WDR91: variants seen among roughly 807,000 people sequenced by gnomAD.
WDR91 encodes the protein WD repeat-containing protein 91.
Under a neutral mutation model 88.4 loss-of-function variants are expected in WDR91, and 52 were observed. The observed-to-expected ratio is 0.59, with a 90% CI of 0.47 to 0.74. The LOEUF (loss-of-function observed/expected upper bound fraction) is 0.74, where lower values mean the gene tolerates loss of function less well. Among genes scored for constraint, WDR91 ranks in the 30% least tolerant of loss-of-function variants. WDR91 has a pLI of 0.00. For synonymous variants in WDR91, 362 were observed against 389.5 expected (o/e 0.93, Z 0.83); for missense variants, 824 against 954.5 (o/e 0.86, Z 1.80).
At chr7:135,195,762 C>A (rs1248351940) in intron 8 of WDR91, among the ~76,000 whole-genome samples, 1 of 152,120 alleles carries the variant, frequency 6.6e-6, no homozygotes, top group Non-Finnish European at 1.5e-5. Context: ...GCCTGGCCAA[C>A]ATGGTGAAAC....
chr7:135,203,863 G>T (rs541250267), intron 6 of WDR91, among the ~76,000 whole-genome samples: 1 of 152,208 alleles, frequency 6.6e-6, no homozygotes, highest in Non-Finnish European at 1.5e-5. Flanking sequence ...GCAAGGGAAG[G>T]CAGCCCCTTG....
chr7:135,194,822 T>C, intron 9 of WDR91, 112 bp downstream of exon 9: 1 of 1,415,492 alleles, frequency 7.1e-7, no homozygotes, highest in Non-Finnish European at 9.7e-7. Flanking sequence ...TCCCCAATAA[T>C]GGAGAGAAGG....
At chr7:135,193,697 G>A in intron 9 of WDR91, 25 bp from the exon 10 acceptor site, 1 of 1,604,712 alleles carries the variant, frequency 6.2e-7, no homozygotes. Flanking sequence ...GGCGGGAGGT[G>A]GGAAGGATAG....
At chr7:135,189,532 C>A in intron 11 of WDR91, 80 bp from the exon 12 acceptor site, 1 of 1,194,010 alleles carries the variant, frequency 8.4e-7, no homozygotes, top group South Asian at 1.4e-5. Flanking sequence ...CAGACAGGTG[C>A]CCCAGACTGG....
In WDR91 at chr7:135,187,113, G is replaced by C. The variant is rs1461659184; in HGVS notation, c.1938C>G (p.Pro646=). The change falls in exon 14 of 15, where the codon CCC becomes CCG. Residue 646 remains proline, a synonymous_variant. Transcript: ENST00000354475. ...GCACAAAGGGGCCCGTGGCATCTGA[G>C]GGGAGGCTGTACTCGGATACCTTGA... The part of the protein sequence containing the change: ...SGLKVSEYSL[P]SDATGPFVLS... The C allele has an allele frequency of 1.2e-6, 2 of 1,614,146 alleles. No homozygotes were observed. Among genetic ancestry groups the C allele is most frequent in the African/African-American group, 1.3e-5 (1 of 74,956 alleles).
intron 11 of WDR91, 117 bp from the exon 12 acceptor site, chr7:135,189,569 A>C: frequency 2.7e-6 from 2 of 731,348 alleles, no homozygotes; most frequent in Admixed American, 5.3e-5. Flanking sequence ...TCCCTTATGT[A>C]ATCTGGAAAT....
At chr7:135,211,328 C>T (rs1832010544) in intron 1 of WDR91, 52 bp downstream of exon 1, 1 of 1,569,540 alleles carries the variant, frequency 6.4e-7, no homozygotes, top group Non-Finnish European at 8.6e-7. Context: ...GAAGCCCGCT[C>T]CCCGGCTCCC....
chr7:135,186,845 C>T, intron 14 of WDR91, 127 bp downstream of exon 14: 1 of 1,144,450 alleles, frequency 8.7e-7, no homozygotes, highest in Non-Finnish European at 1.3e-6. Context: ...GATCCTTTGT[C>T]AAAGGCATCT....
chr7:135,207,027 AACCTGATTAATATAGTGTTCCACT>A (rs778601614), intron 4 of WDR91, 69 bp downstream of exon 4: 2 of 1,006,582 alleles, frequency 2.0e-6, no homozygotes, highest in Non-Finnish European at 2.9e-6. Context: ...TGGCAGTGGA[AACCTGATTAATATAGTGTTCCACT>A]GCCACTACCT....
At chr7:135,208,139 A>G (rs1831871194) in intron 3 of WDR91, among the ~76,000 whole-genome samples, 1 of 152,150 alleles carries the variant, frequency 6.6e-6, no homozygotes, top group Non-Finnish European at 1.5e-5. Context: ...AGCCAGCCCC[A>G]TTCAAGCCAG....
chr7:135,202,452 CA>C lies in WDR91; in HGVS notation c.891+1815del, dbSNP rs1462324220. On this transcript the variant is annotated intron_variant, in intron 6 of 14. Coordinates refer to ENST00000354475, the MANE Select transcript of WDR91 (RefSeq NM_014149.4). ...CTCTGTTAACACACCACACAGTGACCAAATCTTTGTTCCATTATATTTTAGA... is the reference window on the plus strand; with the variant it reads ...CTCTGTTAACACACCACACAGTGACCAATCTTTGTTCCATTATATTTTAGA... 5.3e-5 allele frequency: 8 copies of C among 152,174 alleles called. No homozygotes were observed. In the East Asian group the frequency reaches 1.5e-3, roughly 29 times the overall value. The allele number at this position is 152,174 out of a possible 1,614,324, so 9.4% of individuals were successfully genotyped here. A position where few individuals can be genotyped will look rare whatever the true frequency, so the allele number is the denominator to read the frequency against.
chr7:135,193,481 C>G (rs2117652182), intron 10 of WDR91, 82 bp from the exon 11 acceptor site: 4 of 1,610,684 alleles, frequency 2.5e-6, no homozygotes, highest in Middle Eastern at 3.4e-4. Context: ...CTGGATCCTG[C>G]ACAGGAGATG....
chr7:135,205,352 T>C (rs1831728015), intron 5 of WDR91, among the ~76,000 whole-genome samples: 1 of 152,214 alleles, frequency 6.6e-6, no homozygotes, highest in African/African-American at 2.4e-5. Context: ...TACACATATC[T>C]GGATGTAGAG....
chr7:135,209,502 C>G (rs761639557), intron 2 of WDR91, 74 bp downstream of exon 2: 2 of 1,404,496 alleles, frequency 1.4e-6, no homozygotes, highest in South Asian at 1.6e-5. Context: ...TCCCTAGGAA[C>G]TGGAAGAAAA....
intron 12 of WDR91, 131 bp downstream of exon 12, chr7:135,189,213 T>C: frequency 1.5e-6 from 1 of 685,892 alleles, no homozygotes; most frequent in Middle Eastern, 4.1e-4. Flanking sequence ...AGTTAAGCTG[T>C]AGTACATGCA....
intron 6 of WDR91, chr7:135,198,990 A>C (rs1831474684): frequency 6.6e-6 from 1 of 152,082 alleles, no homozygotes; most frequent in Non-Finnish European, 1.5e-5. Flanking sequence ...CCTCACCCTC[A>C]TTTTTTACAC....
chr7:135,209,050 G>A (rs1831918418), intron 2 of WDR91, 52 bp from the exon 3 acceptor site: 1 of 1,534,136 alleles, frequency 6.5e-7, no homozygotes, highest in Non-Finnish European at 8.9e-7. Context: ...GAAATCCAGA[G>A]GTAAGACTCT....
rs1562951817 is a variant in WDR91 at position 135,198,016 on chromosome 7, GCTC to G, written c.1024_1026del (p.Glu342del). On this transcript the variant is annotated inframe_deletion, in exon 7 of 15. Coordinates refer to ENST00000354475, the MANE Select transcript of WDR91 (RefSeq NM_014149.4). ...ACCTGGGAAGTGGTTGTGGAGAAAA[GCTC>G]CTTCCTCTCCTTGCCATGGTCCTGC... 6.2e-7 allele frequency: 1 copy of G among 1,614,160 alleles called. No individual in the cohort carries two copies. Among genetic ancestry groups the G allele is most frequent in the Admixed American group, 1.7e-5 (1 of 60,030 alleles).
chr7:135,190,475 T>A (rs1585405793), intron 11 of WDR91, among the ~76,000 whole-genome samples: 1 of 150,944 alleles, frequency 6.6e-6, no homozygotes, highest in East Asian at 1.9e-4. Flanking sequence ...AACACCATGA[T>A]CACAATTCAT....
Sources: allele counts gnomAD v4.1 joint callset (sites outside exome capture counted in the v4.1 genomes callset), GRCh38; gene constraint gnomAD v4.1.1; transcripts MANE v1.5; gene names NCBI Gene and HGNC (gene_info 2026-07-23, HGNC 2026-07-21).